The following DLG2 variants were observed in gnomAD, a reference collection of about 807,000 sequenced individuals.
DLG2 encodes the protein disks large homolog 2.
In DLG2, 45 loss-of-function variants were observed where a neutral mutation model predicts 132.5. That is an observed-to-expected ratio of 0.34 (90% CI 0.27 to 0.44). The LOEUF (loss-of-function observed/expected upper bound fraction) is 0.44. Ranked by LOEUF, DLG2 falls within the 20% of genes least tolerant of loss-of-function variation. DLG2 has a pLI of 1.00. For synonymous variants in DLG2, 424 were observed against 419.6 expected (o/e 1.01, Z -0.13); for missense variants, 1,045 against 1,196.9 (o/e 0.87, Z 1.87).
At chr11:84,316,505 AG>A (rs1858356994) in intron 7 of DLG2, among the ~76,000 whole-genome samples, 2 of 152,178 alleles carry the variant, frequency 1.3e-5, no homozygotes, top group African/African-American at 4.8e-5. Flanking sequence ...ATAAACAGGC[AG>A]GACAGAACAA....
intron 18 of DLG2, among the ~76,000 whole-genome samples, chr11:83,709,583 T>G (rs1314844939): frequency 1.3e-5 from 2 of 152,122 alleles, no homozygotes; most frequent in Non-Finnish European, 2.9e-5. Context: ...CTGTGATGCT[T>G]AGTGGCTGAG....
At chr11:83,782,192 C>T (rs2094856779) in intron 18 of DLG2, among the ~76,000 whole-genome samples, 1 of 152,194 alleles carries the variant, frequency 6.6e-6, no homozygotes, top group African/African-American at 2.4e-5. Flanking sequence ...ATCTCTGAAT[C>T]TAATATAAAA....
intron 3 of DLG2, among the ~76,000 whole-genome samples, chr11:85,525,626 C>A (rs2074684804): frequency 6.6e-6 from 1 of 151,910 alleles, no homozygotes; most frequent in African/African-American, 2.4e-5. Context: ...AAAATATGAG[C>A]AAAATATATG....
chr11:85,316,544 T>C (rs2080688629), intron 3 of DLG2, among the ~76,000 whole-genome samples: 9 of 152,046 alleles, frequency 5.9e-5, no homozygotes, highest in Admixed American at 5.9e-4. Context: ...ATACTATAGA[T>C]GATGCAGCAG....
At chr11:83,803,525 T>G (rs1015441935) in intron 17 of DLG2, among the ~76,000 whole-genome samples, 2 of 152,146 alleles carry the variant, frequency 1.3e-5, no homozygotes, top group African/African-American at 4.8e-5. Context: ...CCTTATTATT[T>G]TGTTCAAACA....
chr11:84,715,067 T>C (rs2061053988), intron 6 of DLG2, among the ~76,000 whole-genome samples: 1 of 151,986 alleles, frequency 6.6e-6, no homozygotes, highest in Admixed American at 6.6e-5. Context: ...AAGGTCCAAA[T>C]ACTCACCAGA....
intron 6 of DLG2, among the ~76,000 whole-genome samples, chr11:84,589,864 T>C (rs1217702891): frequency 1.3e-5 from 2 of 152,232 alleles, no homozygotes; most frequent in Non-Finnish European, 2.9e-5. Flanking sequence ...ACGGAATTTA[T>C]TTTAAAACTC....
At chr11:84,171,712 G>A (rs1383012678) in intron 8 of DLG2, among the ~76,000 whole-genome samples, 1 of 152,148 alleles carries the variant, frequency 6.6e-6, no homozygotes, top group Non-Finnish European at 1.5e-5. Context: ...TTGATACGAT[G>A]ATTTATTTTC....
chr11:85,071,237 T>C (rs952010349), intron 6 of DLG2, among the ~76,000 whole-genome samples: 22 of 151,774 alleles, frequency 1.4e-4, no homozygotes, highest in Non-Finnish European at 3.2e-4. Flanking sequence ...AATTAAACCT[T>C]AGCGTTACGT....
intron 6 of DLG2, chr11:84,890,820 CAGGCCAGTCTTCAG>C (rs1457122054): frequency 1.1e-4 from 16 of 152,274 alleles, no homozygotes; most frequent in Non-Finnish European, 2.3e-4. Flanking sequence ...AGGCATTACG[CAGGCCAGTCTTCAG>C]AGGCCAGTGT....
chr11:84,356,176 C>A (rs555070031), intron 7 of DLG2, among the ~76,000 whole-genome samples: 6 of 152,050 alleles, frequency 3.9e-5, no homozygotes, highest in African/African-American at 1.4e-4. Flanking sequence ...GGAAAGCAGT[C>A]CACTTTATCC....
intron 3 of DLG2, among the ~76,000 whole-genome samples, chr11:85,307,752 G>A (rs2080048526): frequency 1.3e-5 from 2 of 152,170 alleles, no homozygotes; most frequent in African/African-American, 4.8e-5. Flanking sequence ...GTGCTATCTA[G>A]TCTGGTCTCT....
At chr11:84,104,232 T>C (rs759082581) in intron 9 of DLG2, among the ~76,000 whole-genome samples, 7 of 152,196 alleles carry the variant, frequency 4.6e-5, no homozygotes, top group Non-Finnish European at 8.8e-5. Context: ...TACCATGGAA[T>C]ACTACACAGC....
chr11:85,476,021 A>C (rs1487788778), intron 3 of DLG2, among the ~76,000 whole-genome samples: 1 of 152,138 alleles, frequency 6.6e-6, no homozygotes, highest in African/African-American at 2.4e-5. Flanking sequence ...ATGTTCTGAG[A>C]AACATATCGT....
chr11:83,806,068 T>A (rs1191724913), intron 17 of DLG2, among the ~76,000 whole-genome samples: 1 of 152,110 alleles, frequency 6.6e-6, no homozygotes, highest in Non-Finnish European at 1.5e-5. Context: ...TCCTCCTCCT[T>A]GTTTTACTTC....
chr11:84,235,833 GTTA>G (rs1446867326), intron 8 of DLG2, among the ~76,000 whole-genome samples: 1 of 151,954 alleles, frequency 6.6e-6, no homozygotes, highest in Non-Finnish European at 1.5e-5. Flanking sequence ...CCTTGGATAA[GTTA>G]TTAATCTCTT....
intron 7 of DLG2, chr11:84,273,306 G>GAAAAA (rs752762450): frequency 3.2e-5 from 25 of 791,242 alleles, no homozygotes; most frequent in Admixed American, 1.5e-4. Flanking sequence ...AGTTGAAGAG[G>GAAAAA]AAAAAAAAAA....
chr11:85,252,727 T>C (rs1379212017), intron 4 of DLG2, among the ~76,000 whole-genome samples: 3 of 152,200 alleles, frequency 2.0e-5, no homozygotes, highest in Non-Finnish European at 4.4e-5. Flanking sequence ...ATATTTTATG[T>C]ATTTATATAT....
At chr11:85,005,685 T>C (rs1199597351) in intron 6 of DLG2, among the ~76,000 whole-genome samples, 3 of 152,160 alleles carry the variant, frequency 2.0e-5, no homozygotes, top group Non-Finnish European at 4.4e-5. Flanking sequence ...AGAGACAATT[T>C]ACTTCCTCTC....
Sources: allele counts gnomAD v4.1 joint callset (sites outside exome capture counted in the v4.1 genomes callset), GRCh38; gene constraint gnomAD v4.1.1; transcripts MANE v1.5; gene names NCBI Gene and HGNC (gene_info 2026-07-23, HGNC 2026-07-21).